CDC42BPA: variants seen among roughly 807,000 people sequenced by gnomAD.
The protein encoded by CDC42BPA is CDC42 binding protein kinase alpha, also known as serine/threonine-protein kinase MRCK alpha.
CDC42BPA carries 80 observed loss-of-function variants against 223.5 expected under a neutral mutation model. The ratio of observed to expected loss-of-function variants is 0.36; its 90% CI spans 0.30 to 0.43. The LOEUF (loss-of-function observed/expected upper bound fraction) is 0.43. CDC42BPA is among the 20% of genes least tolerant of loss of function. The probability of loss-of-function intolerance (pLI) is 1.00; values close to 1 mark genes in which losing one functional copy is unlikely to be tolerated. For synonymous variants in CDC42BPA, 694 were observed against 718.6 expected (o/e 0.97, Z 0.55); for missense variants, 1,743 against 2,099.9 (o/e 0.83, Z 3.32).
chr1:227,159,824 C>G (rs931930676), intron 6 of CDC42BPA, among the ~76,000 whole-genome samples: 2 of 152,064 alleles, frequency 1.3e-5, no homozygotes, highest in South Asian at 4.2e-4. Flanking sequence ...CCATGCCCAG[C>G]CTTTTTTTTC....
chr1:227,014,419 A>C (rs1665818112), intron 34 of CDC42BPA, among the ~76,000 whole-genome samples: 1 of 152,106 alleles, frequency 6.6e-6, no homozygotes, highest in African/African-American at 2.4e-5. Context: ...TAATATTTTG[A>C]TATTATTGGT....
intron 5 of CDC42BPA, 177 bp downstream of exon 5, chr1:227,193,609 T>C (rs1372198443): frequency 1.1e-5 from 6 of 559,152 alleles, no homozygotes; most frequent in Non-Finnish European, 1.9e-5. Flanking sequence ...GGTTCTGTAA[T>C]GCTGACAAAT....
At chr1:227,095,450 CATT>C (rs534746739) in intron 15 of CDC42BPA, among the ~76,000 whole-genome samples, 4 of 88,718 alleles carry the variant, frequency 4.5e-5, no homozygotes, top group Non-Finnish European at 9.7e-5. Context: ...CATATATACA[CATT>C]ATTATTATAA....
chr1:227,212,055 A>G (rs1476155462), intron 3 of CDC42BPA, among the ~76,000 whole-genome samples: 1 of 151,984 alleles, frequency 6.6e-6, no homozygotes, highest in African/African-American at 2.4e-5. Context: ...TACAGAGAAT[A>G]TATTTGTGCT....
chr1:227,083,747 G>T (rs1356515775), intron 16 of CDC42BPA, among the ~76,000 whole-genome samples: 3 of 152,162 alleles, frequency 2.0e-5, no homozygotes, highest in South Asian at 4.1e-4. Flanking sequence ...ATAGATCAAA[G>T]ATTGAAATAC....
chr1:227,188,805 G>A (rs1346104543), intron 5 of CDC42BPA, among the ~76,000 whole-genome samples: 2 of 152,150 alleles, frequency 1.3e-5, no homozygotes, highest in Non-Finnish European at 1.5e-5. Context: ...AAAGCCTACA[G>A]AACGTACAAC....
chr1:227,264,747 C>G (rs746209671), intron 1 of CDC42BPA: 17 of 804,740 alleles, frequency 2.1e-5, no homozygotes, highest in Non-Finnish European at 3.7e-5. Context: ...TATTCTTAAT[C>G]TTGGCCATGA....
intron 10 of CDC42BPA, among the ~76,000 whole-genome samples, chr1:227,138,330 T>G (rs944433989): frequency 9.2e-5 from 14 of 152,016 alleles, no homozygotes; most frequent in Admixed American, 2.6e-4. Flanking sequence ...ACTGGGGATA[T>G]ATATATGATT....
At chr1:227,025,162 G>A (rs1368416166) in intron 31 of CDC42BPA, among the ~76,000 whole-genome samples, 3 of 152,146 alleles carry the variant, frequency 2.0e-5, no homozygotes, top group Non-Finnish European at 4.4e-5. Flanking sequence ...AGAATTGCTT[G>A]AACCCAGGAG....
Position 226,994,804 on chromosome 1 carries a change from C to G in CDC42BPA, c.5133+19G>C. On this transcript the variant is annotated intron_variant, in intron 36 of 36. Transcript: ENST00000366766. This position sits in a 1 kb window ranked among gnomAD's most constrained non-coding sequence, Gnocchi z 4.0. ...TAGTCTTTCTGATACATGACGTCTCCGGAACCCTGCCCACTCACCTCTCCG... is the reference window on the plus strand; with the variant it reads ...TAGTCTTTCTGATACATGACGTCTCGGGAACCCTGCCCACTCACCTCTCCG... 1 of 1,597,306 alleles carries G rather than the reference C, an allele frequency of 6.3e-7. No individual in the cohort carries two copies. Among genetic ancestry groups the G allele is most frequent in the Non-Finnish European group, 8.5e-7 (1 of 1,170,970 alleles).
At chr1:227,132,488 T>C (rs1239997892) in intron 10 of CDC42BPA, among the ~76,000 whole-genome samples, 1 of 97,638 alleles carries the variant, frequency 1.0e-5, no homozygotes, top group East Asian at 2.9e-4. Context: ...CTACAACATC[T>C]ACCTCCCAGC....
intron 11 of CDC42BPA, among the ~76,000 whole-genome samples, chr1:227,122,336 T>C (rs1039036175): frequency 5.3e-5 from 8 of 152,214 alleles, no homozygotes; most frequent in African/African-American, 1.2e-4. Context: ...ATGTTGTTTT[T>C]TCAGAAATTA....
At chr1:227,065,408 C>T (rs1034005159) in intron 21 of CDC42BPA, among the ~76,000 whole-genome samples, 2 of 152,180 alleles carry the variant, frequency 1.3e-5, no homozygotes, top group Non-Finnish European at 2.9e-5. Flanking sequence ...TGAGAATATG[C>T]TCTGCTCTGC....
chr1:227,101,337 AT>A (rs1216900245), intron 14 of CDC42BPA, 98 bp from the exon 15 acceptor site: 2 of 677,576 alleles, frequency 3.0e-6, no homozygotes, highest in Admixed American at 6.3e-5. Context: ...ATATAACTGC[AT>A]TTTTTGTACA....
intron 2 of CDC42BPA, among the ~76,000 whole-genome samples, chr1:227,221,290 T>G (rs1206178192): frequency 6.6e-6 from 1 of 152,240 alleles, no homozygotes; most frequent in Non-Finnish European, 1.5e-5. Context: ...ATATTATCTA[T>G]TCCAAAGCCT....
At chr1:227,081,151 T>C in intron 16 of CDC42BPA, 134 bp from the exon 17 acceptor site, 1 of 800,322 alleles carries the variant, frequency 1.2e-6, no homozygotes, top group Non-Finnish European at 2.0e-6. Context: ...TCCCTTTTGC[T>C]CACTGAATTT....
chr1:227,251,365 A>T (rs1377042244), intron 2 of CDC42BPA, among the ~76,000 whole-genome samples: 1 of 152,174 alleles, frequency 6.6e-6, no homozygotes, highest in Admixed American at 6.5e-5. Context: ...ATATTCCATT[A>T]ATCGAAGAAG....
intron 2 of CDC42BPA, among the ~76,000 whole-genome samples, chr1:227,252,803 A>G (rs932703194): frequency 5.3e-5 from 8 of 152,230 alleles, no homozygotes; most frequent in African/African-American, 1.9e-4. Flanking sequence ...GTGTCCCAAA[A>G]GATGCAGATA....
At chr1:227,254,307 A>C (rs1283585158) in intron 1 of CDC42BPA, 152 bp from the exon 2 acceptor site, 1 of 505,396 alleles carries the variant, frequency 2.0e-6, no homozygotes, top group East Asian at 3.5e-5. Context: ...GAGAATAAAC[A>C]GATTTAATTT....
Sources: allele counts gnomAD v4.1 joint callset (sites outside exome capture counted in the v4.1 genomes callset), GRCh38; gene constraint gnomAD v4.1.1; non-coding constraint Gnocchi (gnomAD v3.1); transcripts MANE v1.5; gene names NCBI Gene and HGNC (gene_info 2026-07-23, HGNC 2026-07-21).